Variants in CDC42BPG observed in about 807,000 individuals in gnomAD.
The protein encoded by CDC42BPG is serine/threonine-protein kinase MRCK gamma.
A neutral mutation model predicts 192.2 loss-of-function variants in CDC42BPG; 157 were observed. That is an observed-to-expected ratio of 0.82 (90% CI 0.72 to 0.93). The LOEUF (loss-of-function observed/expected upper bound fraction) is 0.93. Ranked by LOEUF, CDC42BPG falls within the 40% of genes least tolerant of loss-of-function variation. The pLI, the probability that CDC42BPG is intolerant of heterozygous loss-of-function variation, is 0.00. For missense variants in CDC42BPG, 1,992 were observed against 2,122.1 expected, an observed-to-expected ratio of 0.94 and a Z score of 1.20; for synonymous variants, 981 against 918.5, an observed-to-expected ratio of 1.07 and a Z score of -1.23.
At position 64,836,968 on chromosome 11, in the gene CDC42BPG, G is replaced by A. The variant is rs771868740; in HGVS notation, c.1257C>T (p.Leu419=). The change falls in exon 10 of 37, where the codon CTC becomes CTT. Residue 419 remains leucine, a synonymous_variant. Coordinates refer to ENST00000342711, the MANE Select transcript of CDC42BPG (RefSeq NM_017525.3). Reference sequence around the variant, plus strand: ...CCACCTTCTCCTGCTCCAGACACTGGAGCTTCCGCTCCAGGGCAGCCCAAG... The same window carrying A: ...CCACCTTCTCCTGCTCCAGACACTGAAGCTTCCGCTCCAGGGCAGCCCAAG... The part of the protein sequence containing the change: ...SEAWAALERK[L]QCLEQEKVEL... 2.5e-6 allele frequency: 4 copies of A among 1,613,374 alleles called. No individual in the cohort carries two copies. Among genetic ancestry groups the A allele is most frequent in the African/African-American group, 2.7e-5 (2 of 74,920 alleles).
At position 64,840,119 on chromosome 11, in the gene CDC42BPG, C is replaced by A; in HGVS notation, c.581+1G>T. The A allele has an allele frequency of 6.2e-7, 1 of 1,611,206 alleles. No homozygotes were observed. The highest frequency in any genetic ancestry group is 8.5e-7 in the Non-Finnish European group (1 of 1,179,054). On this transcript the variant is annotated splice_donor_variant, in intron 5 of 36. Transcript: ENST00000342711. LOFTEE classifies it high-confidence loss of function. ...GCAGGGCAGCGGGGTTGGGGCCCCA[C>A]CTGTGGACATAACCCAGCTGGTGCA...
At chr11:64,836,632 T>C in intron 11 of CDC42BPG, 102 bp from the exon 12 acceptor site, 2 of 1,122,728 alleles carry the variant, frequency 1.8e-6, no homozygotes, top group Non-Finnish European at 2.5e-6. Context: ...GCTCAGAGAG[T>C]ATAAAATGCT....
intron 6 of CDC42BPG, 71 bp from the exon 7 acceptor site, chr11:64,839,304 G>T: frequency 1.3e-6 from 2 of 1,576,612 alleles, no homozygotes; most frequent in Non-Finnish European, 1.7e-6. Flanking sequence ...CCTCGCGATG[G>T]CCCTGTCACC....
chr11:64,834,468 C>G lies in CDC42BPG; in HGVS notation c.2285G>C (p.Arg762Pro). 6.4e-7 allele frequency: 1 copy of G among 1,569,172 alleles called. No homozygotes were observed. The highest frequency in any genetic ancestry group is 8.6e-7 in the Non-Finnish European group (1 of 1,158,050). Reference protein sequence around the residue: ...EIRAKQGLQERLTQVQEAQLQ... With the variant: ...EIRAKQGLQEPLTQVQEAQLQ... The stretch of plus-strand genomic sequence containing the variant: ...CTGGGCCTCCTGCACCTGTGTCAGC[C>G]GCTCCTGCAGGCCCTGCTTGGCGCG... Residue 762 changes from arginine (R) to proline (P), a missense_variant, in exon 19 of 37, where the codon CGG (arginine) becomes CCG (proline). Arg to Pro is a moderately radical substitution (Grantham distance 103). Coordinates refer to ENST00000342711, the MANE Select transcript of CDC42BPG (RefSeq NM_017525.3).
chr11:64,836,343 G>A, intron 12 of CDC42BPG, 47 bp from the exon 13 acceptor site: 1 of 1,607,306 alleles, frequency 6.2e-7, no homozygotes, highest in Non-Finnish European at 8.5e-7. Context: ...CCCAGAGTCA[G>A]GCACGAACCG....
intron 5 of CDC42BPG, 110 bp from the exon 6 acceptor site, chr11:64,839,681 C>T: frequency 1.2e-6 from 1 of 838,574 alleles, no homozygotes; most frequent in South Asian, 1.6e-5. Context: ...AGCTCACACA[C>T]ATTCCTGTGT....
chr11:64,833,334 G>A lies in CDC42BPG; in HGVS notation c.2628C>T (p.Pro876=), dbSNP rs561318311. 2.9e-4 allele frequency: 422 copies of A among 1,465,924 alleles called. 3 individuals carry two copies. The South Asian group carries it at 4.4e-3, about 15-fold the overall frequency. 90.8% of individuals were successfully genotyped at this position (1,465,924 alleles called of 1,614,324 possible). A position where few individuals can be genotyped will look rare whatever the true frequency, so the allele number is the denominator to read the frequency against. ...TASTEGLPAK[P]GSHTLRPRSF... Reference sequence around the variant, plus strand: ...TCCGGGGGCGCAGCGTGTGTGAGCCGGGCTGGGGAGGGGGACAGCCATTAC... The same window carrying A: ...TCCGGGGGCGCAGCGTGTGTGAGCCAGGCTGGGGAGGGGGACAGCCATTAC... The change falls in exon 24 of 37, where the codon CCC becomes CCT. Residue 876 remains proline (P), a splice_region_variant and synonymous_variant. Coordinates refer to ENST00000342711, the MANE Select transcript of CDC42BPG (RefSeq NM_017525.3).
Position 64,827,342 on chromosome 11 carries a change from G to C in CDC42BPG, c.4207C>G (p.Arg1403Gly). ...LTDNSRRQLFRTKSKRRFFFR... is the reference protein window; with the variant it reads ...LTDNSRRQLFGTKSKRRFFFR... Reference sequence around the variant, plus strand: ...AAGAAGCGGCGCTTGCTCTTGGTGCGGAACAGCTGGCGCCGGCTGTTGTCG... The same window carrying C: ...AAGAAGCGGCGCTTGCTCTTGGTGCCGAACAGCTGGCGCCGGCTGTTGTCG... The change falls in exon 33 of 37, where the codon CGC becomes GGC. Residue 1403 changes from arginine (R) to glycine (G), a missense_variant. Arg to Gly is a moderately radical substitution (Grantham distance 125). This residue lies in a region of CDC42BPG where 336 missense variants were observed against 277.9 expected (regional missense o/e 1.21). Coordinates refer to ENST00000342711, the MANE Select transcript of CDC42BPG (RefSeq NM_017525.3). 2 of 1,614,052 alleles carry C rather than the reference G, an allele frequency of 1.2e-6. No homozygotes were observed. The highest frequency in any genetic ancestry group is 1.6e-4 in the Middle Eastern group (1 of 6,062).
At position 64,834,545 on chromosome 11, in the gene CDC42BPG, C is replaced by G. The variant is rs751032792; in HGVS notation, c.2208G>C (p.Lys736Asn). 1.3e-5 allele frequency: 21 copies of G among 1,584,702 alleles called. No individual in the cohort carries two copies. Among genetic ancestry groups the G allele is most frequent in the Non-Finnish European group, 1.7e-5 (20 of 1,162,162 alleles). The change falls in exon 19 of 37, where the codon AAG becomes AAC. Residue 736 changes from lysine to asparagine, a missense_variant. Around this residue, in one of 2 missense-constraint regions of CDC42BPG, gnomAD observed 1,656 missense variants for 1,844.3 expected, o/e 0.90. Transcript: ENST00000342711. ...DHQWKARRLQKMEASARLELQ... is the reference protein window; with the variant it reads ...DHQWKARRLQNMEASARLELQ... ...GCTCCAGCCTGGCCGAGGCCTCCAT[C>G]TTCTGCAGTCGCCGCGCCTTCCACT... is the stretch of plus-strand genomic sequence containing the variant.
At chr11:64,836,702 G>T in intron 11 of CDC42BPG, 37 bp downstream of exon 11, 1 of 486,154 alleles carries the variant, frequency 2.1e-6, no homozygotes, top group Non-Finnish European at 2.9e-6. Flanking sequence ...GTGGGACTCA[G>T]CCCTGGGGGG....
chr11:64,841,756 G>A, intron 2 of CDC42BPG, 23 bp from the exon 3 acceptor site: 2 of 1,613,674 alleles, frequency 1.2e-6, no homozygotes, highest in Non-Finnish European at 1.7e-6. Flanking sequence ...GGAGGACCGG[G>A]GTGAGCCCAG....
intron 36 of CDC42BPG, among the ~76,000 whole-genome samples, chr11:64,825,552 CA>C (rs1164918569): frequency 1.3e-5 from 2 of 152,172 alleles, no homozygotes; most frequent in African/African-American, 4.8e-5. Flanking sequence ...GAGGGGACTG[CA>C]GGGGCAAGAG....
chr11:64,838,643 T>C lies in CDC42BPG; in HGVS notation c.1125+11A>G, dbSNP rs1226735702. On this transcript the variant is annotated intron_variant, in intron 8 of 36. Coordinates refer to ENST00000342711, the MANE Select transcript of CDC42BPG (RefSeq NM_017525.3). ...GGCAGCTCCCCTCCTGCAGTGGCCT[T>C]TGCCACTCACTGGATGGTTGAGGGT... 6.2e-6 allele frequency: 10 copies of C among 1,611,034 alleles called. No homozygotes were observed. The highest frequency in any genetic ancestry group is 1.7e-5 in the Admixed American group (1 of 59,976).
chr11:64,833,707 G>A, intron 22 of CDC42BPG, 31 bp downstream of exon 22: 1 of 1,613,214 alleles, frequency 6.2e-7, no homozygotes, highest in South Asian at 1.1e-5. Flanking sequence ...GCGGGGCCCA[G>A]GCCCCCTACG....
At chr11:64,836,396 C>CCACCTCACG in intron 12 of CDC42BPG, 31 bp downstream of exon 12, 5 of 1,199,348 alleles carry the variant, frequency 4.2e-6, no homozygotes, top group Non-Finnish European at 6.1e-6. Flanking sequence ...CCCACCTCAC[C>CCACCTCACG]CAGCCCTCAC....
chr11:64,826,770 C>A lies in CDC42BPG; in HGVS notation c.4414G>T (p.Ala1472Ser). Residue 1472 changes from alanine to serine, a missense_variant, in exon 35 of 37, where the codon GCC becomes TCC. This residue lies in a region of CDC42BPG where 336 missense variants were observed against 277.9 expected (regional missense o/e 1.21). Coordinates refer to ENST00000342711, the MANE Select transcript of CDC42BPG (RefSeq NM_017525.3). The stretch of plus-strand genomic sequence containing the variant: ...GGCCGCTGTGGGCCGGAGCCGCGGG[C>A]AACTCGGCCCTTCTCTTCGGGAGCC... ...SPAPEEKGRV[A>S]RGSGPQRPHS... The A allele has an allele frequency of 6.6e-7, 1 of 1,516,904 alleles. No homozygotes were observed. Among genetic ancestry groups the A allele is most frequent in the Non-Finnish European group, 8.8e-7 (1 of 1,134,208 alleles). The allele number at this position is 1,516,904 out of a possible 1,614,324, so 94.0% of individuals were successfully genotyped here. A position where few individuals can be genotyped will look rare whatever the true frequency, so the allele number is the denominator to read the frequency against.
In CDC42BPG at chr11:64,839,192, G is replaced by T; in HGVS notation, c.717C>A (p.Ser239=). 1 of 1,613,326 alleles carries T rather than the reference G, an allele frequency of 6.2e-7. No individual in the cohort carries two copies. Among genetic ancestry groups the T allele is most frequent in the South Asian group, 1.1e-5 (1 of 91,090 alleles). ...SVAVGTPDYI[S]PEILQAMEEG... is the part of the protein sequence containing the mutation. ...CCTCCATGGCCTGCAGGATCTCAGG[G>T]GAGATATAGTCCGGCGTCCCTACTG... is the stretch of plus-strand genomic sequence containing the variant. Residue 239 remains serine (S), a synonymous_variant, in exon 7 of 37, where the codon TCC becomes TCA. Coordinates refer to ENST00000342711, the MANE Select transcript of CDC42BPG (RefSeq NM_017525.3).
In CDC42BPG at chr11:64,836,259, T is replaced by C; in HGVS notation, c.1526A>G (p.Glu509Gly). 2 of 1,602,894 alleles carry C rather than the reference T, an allele frequency of 1.2e-6. No individual in the cohort carries two copies. Among genetic ancestry groups the C allele is most frequent in the Non-Finnish European group, 1.7e-6 (2 of 1,176,802 alleles). Residue 509 changes from glutamate to glycine, a missense_variant, in exon 13 of 37, where the codon GAG (glutamate) becomes GGG (glycine). Physicochemically the swap from Glu to Gly is moderately conservative, Grantham distance 98. Coordinates refer to ENST00000342711, the MANE Select transcript of CDC42BPG (RefSeq NM_017525.3). ...CCCCTGGGCCCTGCAGAGCTCCTGC[T>C]CCTGAGCCTGCAGCCCTGCCCGACC... Reference protein sequence around the residue: ...AEGRAGLQAQEQELCRAQGQQ... With the variant: ...AEGRAGLQAQGQELCRAQGQQ...
Position 64,839,149 on chromosome 11 carries a change from C to T in CDC42BPG, c.760G>A (p.Gly254Ser), listed in dbSNP as rs998045536. 6 of 1,613,530 alleles carry T rather than the reference C, an allele frequency of 3.7e-6. No homozygotes were observed. Among genetic ancestry groups the T allele is most frequent in the Non-Finnish European group, 5.1e-6 (6 of 1,180,034 alleles). Reference sequence around the variant, plus strand: ...AGCGACCACCAGTCACACTGTGGGCCGTAGTGGCCCTTGCCCTCCTCCATG... The same window carrying T: ...AGCGACCACCAGTCACACTGTGGGCTGTAGTGGCCCTTGCCCTCCTCCATG... Reference protein sequence around the residue: ...QAMEEGKGHYGPQCDWWSLGV... With the variant: ...QAMEEGKGHYSPQCDWWSLGV... Residue 254 changes from glycine (G) to serine (S), a missense_variant, in exon 7 of 37, where the codon GGC (glycine) becomes AGC (serine). Coordinates refer to ENST00000342711, the MANE Select transcript of CDC42BPG (RefSeq NM_017525.3).
Sources: allele counts gnomAD v4.1 joint callset (sites outside exome capture counted in the v4.1 genomes callset), GRCh38; gene constraint gnomAD v4.1.1; regional missense constraint gnomAD v4.1.1; transcripts MANE v1.5; gene names NCBI Gene and HGNC (gene_info 2026-07-23, HGNC 2026-07-21).